The following GULP1 variants were observed in gnomAD, a reference collection of about 807,000 sequenced individuals.
GULP1 encodes GULP PTB domain containing engulfment adaptor 1, also known as PTB domain-containing engulfment adapter protein 1.
Under a neutral mutation model 40.9 loss-of-function variants are expected in GULP1, and 19 were observed. The ratio of observed to expected loss-of-function variants is 0.46; its 90% CI spans 0.32 to 0.68. GULP1 has a LOEUF of 0.68. Ranked by LOEUF, GULP1 falls within the 30% of genes least tolerant of loss-of-function variation. GULP1 has a pLI of 0.03. For synonymous variants in GULP1, 119 were observed against 117.6 expected (o/e 1.01, Z -0.08); for missense variants, 312 against 362.2 (o/e 0.86, Z 1.12).
At chr2:188,475,566 T>A (rs1279030495) in intron 2 of GULP1, among the ~76,000 whole-genome samples, 3 of 152,234 alleles carry the variant, frequency 2.0e-5, no homozygotes, top group Non-Finnish European at 4.4e-5. Flanking sequence ...GTCCACCTCA[T>A]AGTGATGAAA....
At chr2:188,567,794 T>G (rs1446392851) in intron 7 of GULP1, among the ~76,000 whole-genome samples, 1 of 152,200 alleles carries the variant, frequency 6.6e-6, no homozygotes, top group Non-Finnish European at 1.5e-5. Flanking sequence ...AAAAACGTCT[T>G]TTTATTGTAA....
chr2:188,350,721 A>C (rs571432691), intron 1 of GULP1, among the ~76,000 whole-genome samples: 1 of 152,090 alleles, frequency 6.6e-6, no homozygotes, highest in Non-Finnish European at 1.5e-5. Context: ...AATTGTAACA[A>C]ATTTTTGAAA....
chr2:188,491,801 A>T (rs898211830), intron 4 of GULP1, among the ~76,000 whole-genome samples: 3 of 152,100 alleles, frequency 2.0e-5, no homozygotes, highest in Non-Finnish European at 2.9e-5. Flanking sequence ...ATAAATTCAC[A>T]TATTTTACAT....
chr2:188,397,837 A>G (rs562037945), intron 2 of GULP1, among the ~76,000 whole-genome samples: 1 of 152,214 alleles, frequency 6.6e-6, no homozygotes, highest in Non-Finnish European at 1.5e-5. Context: ...TGAACAATCA[A>G]TCCAAAGAAG....
intron 2 of GULP1, among the ~76,000 whole-genome samples, chr2:188,427,873 G>A (rs1001337778): frequency 1.3e-5 from 2 of 152,162 alleles, no homozygotes; most frequent in Non-Finnish European, 2.9e-5. Context: ...TCTAGACCCT[G>A]GAATGGTAGA....
At chr2:188,312,679 G>T (rs1481350763) in intron 1 of GULP1, among the ~76,000 whole-genome samples, 3 of 152,072 alleles carry the variant, frequency 2.0e-5, no homozygotes, top group Non-Finnish European at 4.4e-5. Flanking sequence ...GGATTGCTGG[G>T]TCAAATGCTA....
chr2:188,293,547 G>A (rs1334820633), intron 1 of GULP1, among the ~76,000 whole-genome samples: 1 of 152,184 alleles, frequency 6.6e-6, no homozygotes, highest in Non-Finnish European at 1.5e-5. Context: ...AACTTTCAGA[G>A]GAATTGGAAA....
At chr2:188,490,725 T>C (rs1189524457) in intron 4 of GULP1, among the ~76,000 whole-genome samples, 6 of 152,140 alleles carry the variant, frequency 3.9e-5, no homozygotes, top group African/African-American at 1.4e-4. Context: ...TAGTGATACA[T>C]AGGACATTTT....
chr2:188,293,640 A>G (rs1293904667), intron 1 of GULP1, among the ~76,000 whole-genome samples: 2 of 152,104 alleles, frequency 1.3e-5, no homozygotes, highest in African/African-American at 4.8e-5. Flanking sequence ...TGGCTGGAAA[A>G]CCCACAAATT....
chr2:188,474,243 T>G (rs1031643010), intron 2 of GULP1, among the ~76,000 whole-genome samples: 7 of 152,152 alleles, frequency 4.6e-5, no homozygotes, highest in African/African-American at 1.7e-4. Flanking sequence ...CCTCAGCTTG[T>G]GTCTCAGTAG....
intron 1 of GULP1, among the ~76,000 whole-genome samples, chr2:188,363,641 G>T (rs2046371777): frequency 6.6e-6 from 1 of 152,210 alleles, no homozygotes; most frequent in East Asian, 1.9e-4. Context: ...GAAGACGAAG[G>T]TATACATTTT....
chr2:188,322,726 G>C (rs905113957), intron 1 of GULP1, among the ~76,000 whole-genome samples: 1 of 152,114 alleles, frequency 6.6e-6, no homozygotes, highest in African/African-American at 2.4e-5. Context: ...TTTATTTGAA[G>C]TTGTAGACTT....
At chr2:188,373,428 C>A (rs1418921269) in intron 1 of GULP1, among the ~76,000 whole-genome samples, 1 of 151,828 alleles carries the variant, frequency 6.6e-6, no homozygotes, top group African/African-American at 2.4e-5. Context: ...ATACCAGCAT[C>A]CAGTTTTCAA....
At chr2:188,312,271 T>C (rs965052800) in intron 1 of GULP1, among the ~76,000 whole-genome samples, 1 of 152,168 alleles carries the variant, frequency 6.6e-6, no homozygotes, top group Non-Finnish European at 1.5e-5. Flanking sequence ...GGTGGTTTGC[T>C]GCACCTATTG....
At position 188,584,317 on chromosome 2, in the gene GULP1, C is replaced by T; in HGVS notation, c.662C>T (p.Pro221Leu). The T allele has an allele frequency of 1.2e-6, 2 of 1,606,452 alleles. No individual in the cohort carries two copies. Among genetic ancestry groups the T allele is most frequent in the Non-Finnish European group, 1.7e-6 (2 of 1,173,306 alleles). Residue 221 changes from proline to leucine, a missense_variant, in exon 10 of 12, where the codon CCA becomes CTA. Transcript: ENST00000409830. Reference sequence around the variant, plus strand: ...TCCACTGACATCTTTGATATGATTCCATTTTCTCCAATATCACACCAGTCT... The same window carrying T: ...TCCACTGACATCTTTGATATGATTCTATTTTCTCCAATATCACACCAGTCT... ...SPSTDIFDMI[P>L]FSPISHQSSM...
At chr2:188,322,989 C>T (rs1228985518) in intron 1 of GULP1, among the ~76,000 whole-genome samples, 1 of 152,078 alleles carries the variant, frequency 6.6e-6, no homozygotes, top group Non-Finnish European at 1.5e-5. Context: ...TGCTTATGTT[C>T]TCATTCCTCC....
intron 10 of GULP1, among the ~76,000 whole-genome samples, chr2:188,586,985 T>G (rs1398377623): frequency 6.6e-6 from 1 of 152,080 alleles, no homozygotes; most frequent in African/African-American, 2.4e-5. Flanking sequence ...TTAGAGAATG[T>G]AAAGTTCTCT....
intron 2 of GULP1, among the ~76,000 whole-genome samples, chr2:188,444,993 G>A (rs926409018): frequency 2.6e-5 from 4 of 152,128 alleles, no homozygotes; most frequent in African/African-American, 9.7e-5. Context: ...ATTATTTAAT[G>A]TTAATATCCT....
chr2:188,361,658 TTC>T, intron 1 of GULP1, among the ~76,000 whole-genome samples: 1 of 152,204 alleles, frequency 6.6e-6, no homozygotes, highest in South Asian at 2.1e-4. Flanking sequence ...ATTGAGGTAA[TTC>T]TGTTTGGCAG....
Sources: gnomAD v4.1 joint callset for allele counts (sites outside exome capture counted in the v4.1 genomes callset) on GRCh38, gnomAD v4.1.1 for gene constraint, MANE v1.5 for transcripts, NCBI Gene and HGNC (gene_info 2026-07-23, HGNC 2026-07-21) for gene names.